The following GTPBP4 variants were observed in gnomAD, a reference collection of about 807,000 sequenced individuals.
GTPBP4 encodes GTP binding protein 4.
In GTPBP4, 15 loss-of-function variants were observed where a neutral mutation model predicts 81.7. That is an observed-to-expected ratio of 0.18 (90% CI 0.12 to 0.28). The LOEUF is 0.28. Ranked by LOEUF, GTPBP4 falls within the 10% of genes least tolerant of loss-of-function variation. The pLI, the probability that GTPBP4 is intolerant of heterozygous loss-of-function variation, is 1.00. For synonymous variants in GTPBP4, 272 were observed against 274.6 expected (o/e 0.99, Z 0.09); for missense variants, 847 against 793.8 (o/e 1.07, Z -0.81).
chr10:1,018,365 A>C lies in GTPBP4; in HGVS notation c.*1138A>C, dbSNP rs1832026357. The C allele has an allele frequency of 6.6e-6, 1 of 151,546 alleles. No individual in the cohort carries two copies. The highest frequency in any genetic ancestry group is 6.6e-5 in the Admixed American group (1 of 15,192). The allele number at this position is 151,546 out of a possible 1,614,324, so 9.4% of individuals were successfully genotyped here. A position where few individuals can be genotyped will look rare whatever the true frequency, so the allele number is the denominator to read the frequency against. ...GCTTGAGCCCAGAGGCGGAGGTTGC[A>C]GTGAGCCGAGATCGTGCCACTGCAC... On this transcript the variant is annotated 3_prime_UTR_variant, in exon 17 of 17. Coordinates refer to ENST00000360803, the MANE Select transcript of GTPBP4 (RefSeq NM_012341.3).
In GTPBP4 at chr10:995,917, T is replaced by G. The variant is rs201037877; in HGVS notation, c.220-12T>G. 6 of 1,515,202 alleles carry G rather than the reference T, an allele frequency of 4.0e-6. No individual in the cohort carries two copies. In the African/African-American group the frequency reaches 6.9e-5, roughly 17 times the overall value. The allele number at this position is 1,515,202 out of a possible 1,614,324, so 93.9% of individuals were successfully genotyped here. ...GCCCCAAGTGACCGTGGTGTGCTTT[T>G]GTTTGTTACAGGATATTCATCCGTT... is the stretch of plus-strand genomic sequence containing the variant. On this transcript the variant is annotated splice_polypyrimidine_tract_variant and intron_variant, in intron 2 of 16. Coordinates refer to ENST00000360803, the MANE Select transcript of GTPBP4 (RefSeq NM_012341.3).
At chr10:1,005,598 A>G (rs1205371674) in intron 8 of GTPBP4, among the ~76,000 whole-genome samples, 1 of 152,124 alleles carries the variant, frequency 6.6e-6, no homozygotes, top group Admixed American at 6.5e-5. Flanking sequence ...GACAGATGTG[A>G]GGGGCTACTA....
At chr10:991,784 C>G (rs1459689170) in intron 1 of GTPBP4, among the ~76,000 whole-genome samples, 3 of 145,520 alleles carry the variant, frequency 2.1e-5, no homozygotes, top group Non-Finnish European at 4.5e-5. Flanking sequence ...CAAGCTCCGC[C>G]TCCCGGGTTC....
At chr10:1,016,134 C>T (rs1181737800) in intron 16 of GTPBP4, among the ~76,000 whole-genome samples, 1 of 152,148 alleles carries the variant, frequency 6.6e-6, no homozygotes, top group African/African-American at 2.4e-5. Flanking sequence ...CGGAGGGTGG[C>T]CAGAGCATGG....
At chr10:992,310 T>C (rs994304210) in intron 1 of GTPBP4, among the ~76,000 whole-genome samples, 179 bp from the exon 2 acceptor site, 1 of 148,072 alleles carries the variant, frequency 6.8e-6, no homozygotes, top group African/African-American at 2.5e-5. Flanking sequence ...TGAGGCAGGA[T>C]AATGGCATGA....
chr10:988,870 G>A (rs1054238068), intron 1 of GTPBP4: 4 of 261,924 alleles, frequency 1.5e-5, no homozygotes, highest in African/African-American at 6.7e-5. Context: ...GACATGTGAG[G>A]GAGGAAGCGT....
At chr10:990,388 A>G (rs1389674777) in intron 1 of GTPBP4, among the ~76,000 whole-genome samples, 3 of 149,730 alleles carry the variant, frequency 2.0e-5, no homozygotes, top group East Asian at 1.9e-4. Flanking sequence ...ACAAAAATGC[A>G]TTAGATAAAA....
chr10:988,649 G>T, intron 1 of GTPBP4, 122 bp downstream of exon 1: 3 of 720,250 alleles, frequency 4.2e-6, no homozygotes, highest in Non-Finnish European at 7.3e-6. Context: ...CCCCGCTCCT[G>T]GGCCTGACCG....
chr10:1,006,780 A>G (rs534711464), intron 9 of GTPBP4, among the ~76,000 whole-genome samples: 3 of 152,314 alleles, frequency 2.0e-5, no homozygotes, highest in African/African-American at 7.2e-5. Context: ...CGTGAAGGGC[A>G]GTTGGAGGGC....
chr10:990,199 C>G (rs953211904), intron 1 of GTPBP4, among the ~76,000 whole-genome samples: 5 of 151,906 alleles, frequency 3.3e-5, no homozygotes, highest in African/African-American at 1.2e-4. Context: ...CATCCGTCTT[C>G]TGTTCTGTGG....
At chr10:1,004,436 T>C (rs1831689672) in intron 8 of GTPBP4, among the ~76,000 whole-genome samples, 1 of 152,116 alleles carries the variant, frequency 6.6e-6, no homozygotes, top group South Asian at 2.1e-4. Context: ...CTGCCCTGTT[T>C]CCCTGGGGTG....
In GTPBP4 at chr10:1,009,593, G is replaced by T; in HGVS notation, c.1243+13G>T. ...TTGGATCTTCAGAGTAAGGGCCAGAGTGTGATCATTATTATAAAATGCCAA... is the reference window on the plus strand; with the variant it reads ...TTGGATCTTCAGAGTAAGGGCCAGATTGTGATCATTATTATAAAATGCCAA... On this transcript the variant is annotated intron_variant, in intron 12 of 16. Transcript: ENST00000360803. 1 of 1,487,076 alleles carries T rather than the reference G, an allele frequency of 6.7e-7. No individual in the cohort carries two copies. Among genetic ancestry groups the T allele is most frequent in the Non-Finnish European group, 9.4e-7 (1 of 1,063,864 alleles). The allele number at this position is 1,487,076 out of a possible 1,614,324, so 92.1% of individuals were successfully genotyped here.
chr10:1,004,334 G>A (rs1831687848), intron 8 of GTPBP4, among the ~76,000 whole-genome samples: 1 of 152,154 alleles, frequency 6.6e-6, no homozygotes, highest in Non-Finnish European at 1.5e-5. Context: ...AAAGAGTGGT[G>A]ACTCTGCAGC....
At position 1,012,549 on chromosome 10, in the gene GTPBP4, A is replaced by T. The variant is rs529198942; in HGVS notation, c.1429A>T (p.Met477Leu). Reference sequence around the variant, plus strand: ...TGTATCTGAGAGTGAAGACGAAGAGATGCTGGAAATCCGACAGCTGGCAAA... The same window carrying T: ...TGTATCTGAGAGTGAAGACGAAGAGTTGCTGGAAATCCGACAGCTGGCAAA... ...DSVSESEDEE[M>L]LEIRQLAKQI... The change falls in exon 14 of 17, where the codon ATG becomes TTG. Residue 477 changes from methionine (M) to leucine (L), a missense_variant. By Grantham distance (15) the Met-to-Leu change is conservative (BLOSUM62 2). Transcript: ENST00000360803. 4.3e-6 allele frequency: 7 copies of T among 1,613,464 alleles called. No individual in the cohort carries two copies. In the African/African-American group the frequency reaches 9.3e-5, roughly 21 times the overall value.
At position 1,005,689 on chromosome 10, in the gene GTPBP4, T is replaced by C. The variant is rs559912979; in HGVS notation, c.913-129T>C. 17 of 640,944 alleles carry C rather than the reference T, an allele frequency of 2.7e-5. No homozygotes were observed. In the Admixed American group the frequency reaches 3.9e-4, roughly 15 times the overall value. The allele number at this position is 640,944 out of a possible 1,614,324, so 39.7% of individuals were successfully genotyped here. A position where few individuals can be genotyped will look rare whatever the true frequency, so the allele number is the denominator to read the frequency against. ...AAAATAACTGTTTTTAGGATATGTC[T>C]GTTTTTTAAGACTTTGAAACAACCA... On this transcript the variant is annotated intron_variant, in intron 8 of 16. Transcript: ENST00000360803.
rs1831755271 is a variant in GTPBP4 at position 1,007,126 on chromosome 10, A to G, written c.1111A>G (p.Lys371Glu). ...GGCTATCCCAACCAGGAGGGACGAT[A>G]AGGTAAGACGGCCCCTGGGACAGCC... ...HLAIPTRRDD[K>E]ERPPFIPEGV... The change falls in exon 10 of 17, where the codon AAG becomes GAG. Residue 371 changes from lysine to glutamate, a missense_variant and splice_region_variant. By Grantham distance (56) the Lys-to-Glu change is moderately conservative. Around this residue, in one of 3 missense-constraint regions of GTPBP4, gnomAD observed 600 missense variants for 557.1 expected, o/e 1.08. Transcript: ENST00000360803. The G allele has an allele frequency of 6.5e-7, 1 of 1,543,896 alleles. No homozygotes were observed. The highest frequency in any genetic ancestry group is 9.0e-7 in the Non-Finnish European group (1 of 1,115,722).
intron 16 of GTPBP4, among the ~76,000 whole-genome samples, chr10:1,016,279 G>A (rs1831991549): frequency 6.6e-6 from 1 of 152,232 alleles, no homozygotes. Flanking sequence ...CTCCTGGGTT[G>A]ATTGGCGGGT....
At chr10:1,016,731 T>C (rs1832000702) in intron 16 of GTPBP4, among the ~76,000 whole-genome samples, 2 of 152,266 alleles carry the variant, frequency 1.3e-5, no homozygotes, top group African/African-American at 4.8e-5. Context: ...CCAGTCTTTA[T>C]ACAAAAATAC....
intron 11 of GTPBP4, 93 bp downstream of exon 11, chr10:1,009,128 C>T (rs561070030): frequency 3.3e-5 from 30 of 906,648 alleles, no homozygotes; most frequent in East Asian, 2.7e-4. Flanking sequence ...ACAGGAGCCG[C>T]GGGTGCCCAG....
Sources: gnomAD v4.1 joint callset for allele counts (sites outside exome capture counted in the v4.1 genomes callset) on GRCh38, gnomAD v4.1.1 for gene constraint, gnomAD v4.1.1 regional missense constraint, MANE v1.5 for transcripts, NCBI Gene and HGNC (gene_info 2026-07-23, HGNC 2026-07-21) for gene names.